NHSL2: variants seen among roughly 807,000 people sequenced by gnomAD.
NHSL2 encodes the protein NHS like 2.
In NHSL2, 27 loss-of-function variants were observed where a neutral mutation model predicts 53.4. The observed-to-expected ratio is 0.51, with a 90% CI of 0.37 to 0.70. The LOEUF is 0.70. Among genes scored for constraint, NHSL2 ranks in the 30% least tolerant of loss-of-function variants. The pLI is 0.00. For synonymous variants in NHSL2, 408 were observed against 404.1 expected, an observed-to-expected ratio of 1.01 and a Z score of -0.12; for missense variants, 892 against 980.1, an observed-to-expected ratio of 0.91 and a Z score of 1.20.
At chrX:71,964,618 C>T (rs1360215852) in intron 1 of NHSL2, among the ~76,000 whole-genome samples, 2 of 111,428 alleles carry the variant, frequency 1.8e-5, no homozygotes, top group Non-Finnish European at 3.8e-5. Flanking sequence ...AGCATAGTTC[C>T]CTAGATCAGT....
intron 1 of NHSL2, among the ~76,000 whole-genome samples, chrX:72,090,580 C>T (rs144959806): frequency 0.022 from 2,470 of 111,590 alleles, 31 homozygotes; most frequent in Admixed American, 0.055. Context: ...ATTACTATTA[C>T]ATTTTTAAAG....
At chrX:72,085,996 T>C (rs1401344488) in intron 1 of NHSL2, among the ~76,000 whole-genome samples, 2 of 111,573 alleles carry the variant, frequency 1.8e-5, no homozygotes, top group Non-Finnish European at 3.8e-5. Context: ...ACAAAAAGAA[T>C]TCTAGCATCT....
intron 1 of NHSL2, among the ~76,000 whole-genome samples, chrX:72,088,246 CA>C (rs2041867532): frequency 8.9e-6 from 1 of 111,921 alleles, no homozygotes; most frequent in Non-Finnish European, 1.9e-5. Flanking sequence ...AAAACAAAAA[CA>C]AAAACTGGTT....
chrX:72,143,061 T>C (rs1486574483), intron 7 of NHSL2, among the ~76,000 whole-genome samples, 192 bp from the exon 8 acceptor site: 1 of 110,668 alleles, frequency 9.0e-6, no homozygotes, highest in Non-Finnish European at 1.9e-5. Context: ...GCTGGGGGCA[T>C]TGAAAGGAAT....
intron 1 of NHSL2, among the ~76,000 whole-genome samples, chrX:71,991,812 TTCTCTTTCTC>T (rs2042027945): frequency 2.4e-5 from 1 of 42,403 alleles, no homozygotes; most frequent in Non-Finnish European, 4.4e-5. Flanking sequence ...CTGTGTGTCT[TTCTCTTTCTC>T]TCTCTCTCTC....
At chrX:71,979,702 T>G (rs2041965856) in intron 1 of NHSL2, among the ~76,000 whole-genome samples, 1 of 112,146 alleles carries the variant, frequency 8.9e-6, no homozygotes, top group Admixed American at 9.4e-5. Flanking sequence ...TTTTTCCCAT[T>G]CTGTAGGTTG....
chrX:72,107,891 G>A (rs1041392789), intron 1 of NHSL2, among the ~76,000 whole-genome samples: 11 of 112,074 alleles, frequency 9.8e-5, no homozygotes, highest in African/African-American at 3.6e-4. Flanking sequence ...CCAGCCTGAG[G>A]AACTGGCATT....
chrX:72,122,523 A>G (rs1208165388), intron 1 of NHSL2, among the ~76,000 whole-genome samples: 1 of 111,384 alleles, frequency 9.0e-6, no homozygotes, highest in Non-Finnish European at 1.9e-5. Context: ...ATATGCTATT[A>G]TTATCTCAAT....
chrX:72,104,689 T>C (rs1446550993), intron 1 of NHSL2, among the ~76,000 whole-genome samples: 2 of 111,223 alleles, frequency 1.8e-5, no homozygotes, highest in African/African-American at 6.6e-5. Context: ...CTATTTTAAG[T>C]ATATTAAATT....
chrX:72,143,903 C>T lies in NHSL2; in HGVS notation c.*329C>T, dbSNP rs1430972902. ...GTGCCACTTTTTCAATTCAGTGACC[C>T]GGCTGCTCCATCCCTGGCTCCTGTC... On this transcript the variant is annotated 3_prime_UTR_variant, in exon 8 of 8. Coordinates refer to ENST00000633930, the MANE Select transcript of NHSL2 (RefSeq NM_001013627.3). 12 of 150,954 alleles carry T rather than the reference C, an allele frequency of 7.9e-5. No individual in the cohort carries two copies. Among genetic ancestry groups the T allele is most frequent in the South Asian group, 1.7e-4 (1 of 5,798 alleles). The allele number at this position is 150,954 out of a possible 1,213,427, so 12.4% of individuals were successfully genotyped here. A position where few individuals can be genotyped will look rare whatever the true frequency, so the allele number is the denominator to read the frequency against.
rs2042481091 is a variant in NHSL2 at position 72,148,529 on chromosome X, T to A, written c.*4955T>A. ...AGGATAAGAGAGTGGGAAAGATGTA[T>A]AAGGAAGTGCCTTTGTCAAAAGGCA... On this transcript the variant is annotated 3_prime_UTR_variant, in exon 8 of 8. Transcript: ENST00000633930. The A allele has an allele frequency of 9.0e-6, 1 of 111,606 alleles. No homozygotes were observed. Among genetic ancestry groups the A allele is most frequent in the Non-Finnish European group, 1.9e-5 (1 of 53,173 alleles). The allele number at this position is 111,606 out of a possible 1,213,427, so 9.2% of individuals were successfully genotyped here.
intron 1 of NHSL2, among the ~76,000 whole-genome samples, chrX:71,912,833 A>G (rs1456114815): frequency 1.8e-5 from 2 of 111,715 alleles, no homozygotes; most frequent in African/African-American, 6.5e-5. Context: ...GCAGAGAGCC[A>G]CCTACTGAGT....
intron 1 of NHSL2, among the ~76,000 whole-genome samples, chrX:71,990,488 TAAC>T (rs1362280350): frequency 9.0e-6 from 1 of 110,801 alleles, no homozygotes; most frequent in Admixed American, 9.6e-5. Flanking sequence ...CCTTGCCTCA[TAAC>T]AACCCTTCTC....
intron 1 of NHSL2, among the ~76,000 whole-genome samples, chrX:72,059,099 G>A (rs911028235): frequency 1.6e-4 from 18 of 111,119 alleles, no homozygotes; most frequent in Non-Finnish European, 2.5e-4. Context: ...CACAAACTGT[G>A]TCCCAGGCAA....
intron 1 of NHSL2, among the ~76,000 whole-genome samples, chrX:71,991,994 T>G (rs1010464547): frequency 6.2e-5 from 7 of 113,049 alleles, no homozygotes; most frequent in African/African-American, 2.3e-4. Flanking sequence ...CAGATCTGCC[T>G]GGCCACAGGC....
chrX:72,011,128 A>T (rs1308461501), intron 1 of NHSL2, among the ~76,000 whole-genome samples: 1 of 112,016 alleles, frequency 8.9e-6, no homozygotes, highest in Non-Finnish European at 1.9e-5. Context: ...CCCCTTTTCC[A>T]ATAATCTGCT....
chrX:72,132,049 G>C (rs776704939), intron 1 of NHSL2, 30 bp from the exon 2 acceptor site: 1 of 1,162,900 alleles, frequency 8.6e-7, no homozygotes, highest in Non-Finnish European at 1.1e-6. Flanking sequence ...CAGCTCGCCT[G>C]CGCCTCTCAC....
At chrX:71,959,858 G>A (rs1425270585) in intron 1 of NHSL2, among the ~76,000 whole-genome samples, 2 of 110,963 alleles carry the variant, frequency 1.8e-5, no homozygotes, top group Non-Finnish European at 3.8e-5. Context: ...ACCATGTTTT[G>A]TTTACCCATT....
At chrX:72,062,905 C>T (rs2042406735) in intron 1 of NHSL2, among the ~76,000 whole-genome samples, 1 of 112,170 alleles carries the variant, frequency 8.9e-6, no homozygotes, top group African/African-American at 3.2e-5. Flanking sequence ...GGACAACCCC[C>T]TCTGAGTGTC....
Sources: allele counts gnomAD v4.1 joint callset (sites outside exome capture counted in the v4.1 genomes callset), GRCh38; gene constraint gnomAD v4.1.1; transcripts MANE v1.5; gene names NCBI Gene and HGNC (gene_info 2026-07-23, HGNC 2026-07-21).